Variants in NYAP1 observed in about 807,000 individuals in gnomAD.
NYAP1 encodes the protein neuronal tyrosine-phosphorylated phosphoinositide-3-kinase adapter 1.
In NYAP1, 20 loss-of-function variants were observed where a neutral mutation model predicts 58.6. The observed-to-expected ratio is 0.34, with a 90% CI of 0.24 to 0.50. NYAP1 has a LOEUF of 0.50. Ranked by LOEUF, NYAP1 falls within the 20% of genes least tolerant of loss-of-function variation. NYAP1 has a pLI of 0.98. For missense variants in NYAP1, 1,150 were observed against 1,194.5 expected (o/e 0.96, Z 0.55); for synonymous variants, 572 against 523.1 (o/e 1.09, Z -1.27).
In NYAP1 at chr7:100,492,935, A is replaced by G. The variant is rs761777705; in HGVS notation, c.2269-711A>G. The stretch of plus-strand genomic sequence containing the variant: ...AGAGAGAGAGTGAGAGAAAGAAGGA[A>G]GAAAGAGAGAAGGAGAGAAAGAGAG... On this transcript the variant is annotated intron_variant, in intron 6 of 6. Transcript: ENST00000300179. Among the ~76,000 whole-genome samples the G allele has an allele frequency of 9.6e-4, 146 of 152,036 alleles. 2 individuals are homozygous for G. The highest frequency in any genetic ancestry group is 4.4e-4 in the Non-Finnish European group (30 of 68,000).
In NYAP1 at chr7:100,485,979, C is replaced by T. The variant is rs73161778; in HGVS notation, c.68+600C>T. Among the ~76,000 whole-genome samples the T allele has an allele frequency of 2.8e-3, 433 of 152,308 alleles. No individual in the cohort carries two copies. The highest frequency in any genetic ancestry group is 2.3e-3 in the Non-Finnish European group (156 of 68,020). On this transcript the variant is annotated intron_variant, in intron 2 of 6. Coordinates refer to ENST00000300179, the MANE Select transcript of NYAP1 (RefSeq NM_173564.4). The surrounding 1 kb of genome is among the most constrained non-coding windows in gnomAD (Gnocchi z 5.7). The stretch of plus-strand genomic sequence containing the variant: ...TGGCCTCTCCCATCCTTCTCTCCTT[C>T]TCCTCTTCTCTCCCATTGACTTCAC...
Position 100,490,894 on chromosome 7 carries a change from G to A in NYAP1, c.2159-92G>A. On this transcript the variant is annotated intron_variant, in intron 5 of 6. Coordinates refer to ENST00000300179, the MANE Select transcript of NYAP1 (RefSeq NM_173564.4). This position sits in a 1 kb window ranked among gnomAD's most constrained non-coding sequence, Gnocchi z 4.6. ...CTTTTTCCCTTCTGATGAGGCAGGGGCAGCCTGGACCATTCAAGGGCAGGG... is the reference window on the plus strand; with the variant it reads ...CTTTTTCCCTTCTGATGAGGCAGGGACAGCCTGGACCATTCAAGGGCAGGG... 2 of 1,081,164 alleles carry A rather than the reference G, an allele frequency of 1.8e-6. No homozygotes were observed. The highest frequency in any genetic ancestry group is 2.7e-6 in the Non-Finnish European group (2 of 753,212). The allele number at this position is 1,081,164 out of a possible 1,614,324, so 67.0% of individuals were successfully genotyped here.
chr7:100,487,172 C>A lies in NYAP1; in HGVS notation c.420C>A (p.Ser140Arg). ...GGTCTGGGGCAGAGACGCCCCCCAG[C>A]AAGAAAGCAGGTGAGATACCCCCTA... ...GPGSGAETPP[S>R]KKAGSQKPTP... The change falls in exon 3 of 7, where the codon AGC becomes AGA. Residue 140 changes from serine to arginine, a missense_variant. Transcript: ENST00000300179. This position sits in a 1 kb window ranked among gnomAD's most constrained non-coding sequence, Gnocchi z 4.1. 13 of 1,488,874 alleles carry A rather than the reference C, an allele frequency of 8.7e-6. No individual in the cohort carries two copies. Among genetic ancestry groups the A allele is most frequent in the Non-Finnish European group, 1.2e-5 (13 of 1,120,802 alleles). 92.2% of individuals were successfully genotyped at this position (1,488,874 alleles called of 1,614,324 possible).
chr7:100,489,928 C>T (rs1351043219), intron 4 of NYAP1, among the ~76,000 whole-genome samples: 1 of 152,062 alleles, frequency 6.6e-6, no homozygotes, highest in East Asian at 1.9e-4. Flanking sequence ...CCTGCCCCTC[C>T]CTTCCCGGGG....
chr7:100,489,199 C>G lies in NYAP1; in HGVS notation c.1478C>G (p.Ser493Trp), dbSNP rs1236639830. The change falls in exon 4 of 7, where the codon TCG becomes TGG. Residue 493 changes from serine to tryptophan, a missense_variant. Physicochemically the swap from Ser to Trp is radical, Grantham distance 177 (BLOSUM62 -3). Coordinates refer to ENST00000300179, the MANE Select transcript of NYAP1 (RefSeq NM_173564.4). ...AGEPKTEKEI[S>W]VLHGMLCTSS... ...GAGCCAAAGACGGAGAAGGAGATCT[C>G]GGTCCTCCATGGGATGCTGTGTACC... 1 of 1,610,406 alleles carries G rather than the reference C, an allele frequency of 6.2e-7. No homozygotes were observed. Among genetic ancestry groups the G allele is most frequent in the Admixed American group, 1.7e-5 (1 of 59,612 alleles).
Position 100,487,607 on chromosome 7 carries a change from T to A in NYAP1, c.430+425T>A, listed in dbSNP as rs528780729. 3.9e-5 allele frequency among the ~76,000 whole-genome samples: 6 copies of A among 152,250 alleles called. No homozygotes were observed. The highest frequency in any genetic ancestry group is 1.2e-4 in the African/African-American group (5 of 41,574). On this transcript the variant is annotated intron_variant, in intron 3 of 6. Transcript: ENST00000300179. The surrounding 1 kb of genome is among the most constrained non-coding windows in gnomAD (Gnocchi z 4.1). ...TCCTCCGCCTCCCAGGTTCAAGCAGTTCTCCTGCCTCAGCCTCCCAGGTAG... is the reference window on the plus strand; with the variant it reads ...TCCTCCGCCTCCCAGGTTCAAGCAGATCTCCTGCCTCAGCCTCCCAGGTAG...
At position 100,488,528 on chromosome 7, in the gene NYAP1, G is replaced by T; in HGVS notation, c.807G>T (p.Pro269=). 1 of 1,612,360 alleles carries T rather than the reference G, an allele frequency of 6.2e-7. No individual in the cohort carries two copies. Residue 269 remains proline, a synonymous_variant, in exon 4 of 7, where the codon CCG becomes CCT. Transcript: ENST00000300179. This position sits in a 1 kb window ranked among gnomAD's most constrained non-coding sequence, Gnocchi z 5.9. The stretch of plus-strand genomic sequence containing the variant: ...ATGAAGAGATGAAGTACCCGCTGCC[G>T]GAAGAGGCTGGGGAAGGCCGGGCCA... ...AIYEEMKYPL[P]EEAGEGRANG...
intron 1 of NYAP1, among the ~76,000 whole-genome samples, chr7:100,484,329 A>G (rs10267127): frequency 6.2e-4 from 94 of 152,208 alleles, no homozygotes; most frequent in African/African-American, 2.1e-3. Flanking sequence ...CAGTGGGGCC[A>G]GACTGGAGCC....
intron 1 of NYAP1, 122 bp downstream of exon 1, chr7:100,484,123 G>A (rs1420841613): frequency 6.5e-6 from 1 of 153,600 alleles, no homozygotes; most frequent in African/African-American, 2.4e-5. Flanking sequence ...AAGGGGAAGG[G>A]GAGGGGTGCC....
chr7:100,486,861 G>T lies in NYAP1; in HGVS notation c.109G>T (p.Ala37Ser), dbSNP rs1424006521. ...GGCCCCCGCTGGCTCGGCTGGGCCC[G>T]CGGCCGGCCAGGGGCCTGGGGTCCG... ...EVAPAGSAGP[A>S]AGQGPGVRVR... The change falls in exon 3 of 7, where the codon GCG becomes TCG. Residue 37 changes from alanine to serine, a missense_variant. Ala to Ser is a moderately conservative substitution (Grantham distance 99). Coordinates refer to ENST00000300179, the MANE Select transcript of NYAP1 (RefSeq NM_173564.4). The surrounding 1 kb of genome is among the most constrained non-coding windows in gnomAD (Gnocchi z 6.2). 1.3e-6 allele frequency: 2 copies of T among 1,534,416 alleles called. No individual in the cohort carries two copies. The highest frequency in any genetic ancestry group is 1.7e-6 in the Non-Finnish European group (2 of 1,145,498).
Position 100,487,245 on chromosome 7 carries a change from C to T in NYAP1, c.430+63C>T, listed in dbSNP as rs565165745. 70 of 1,433,170 alleles carry T rather than the reference C, an allele frequency of 4.9e-5. No homozygotes were observed. Among genetic ancestry groups the T allele is most frequent in the South Asian group, 2.2e-4 (14 of 62,328 alleles). 88.8% of individuals were successfully genotyped at this position (1,433,170 alleles called of 1,614,324 possible). A position where few individuals can be genotyped will look rare whatever the true frequency, so the allele number is the denominator to read the frequency against. ...GAGCTGGGAGGATCTATTCCACGCC[C>T]GGGGAGGCTTGCCGGGAGGGTTCAT... On this transcript the variant is annotated intron_variant, in intron 3 of 6. Transcript: ENST00000300179. This position sits in a 1 kb window ranked among gnomAD's most constrained non-coding sequence, Gnocchi z 4.1.
At chr7:100,491,561 C>T (rs1047243389) in intron 6 of NYAP1, among the ~76,000 whole-genome samples, 3 of 150,676 alleles carry the variant, frequency 2.0e-5, no homozygotes, top group Non-Finnish European at 4.4e-5. Flanking sequence ...CACGCTACTG[C>T]GTTCCAGTCT....
At position 100,489,359 on chromosome 7, in the gene NYAP1, C is replaced by T. The variant is rs1799759326; in HGVS notation, c.1638C>T (p.Thr546=). 4 of 1,612,044 alleles carry T rather than the reference C, an allele frequency of 2.5e-6. No individual in the cohort carries two copies. ...CGGACCCAACTGTAGGCCCCCTGAC[C>T]CCGCTGTGGACCTACCCAGCCACAG... ...SLPDPTVGPL[T]PLWTYPATAA... The change falls in exon 4 of 7, where the codon ACC becomes ACT. Residue 546 remains threonine (T), a synonymous_variant. Transcript: ENST00000300179.
rs747049966 is a variant in NYAP1, at chr7:100,486,866, C to T, written c.114C>T (p.Ala38=). Residue 38 remains alanine (A), a synonymous_variant, in exon 3 of 7, where the codon GCC becomes GCT. Transcript: ENST00000300179. This position sits in a 1 kb window ranked among gnomAD's most constrained non-coding sequence, Gnocchi z 6.2. ...CCGCTGGCTCGGCTGGGCCCGCGGC[C>T]GGCCAGGGGCCTGGGGTCCGCGTGC... ...VAPAGSAGPA[A]GQGPGVRVRD... 1.9e-5 allele frequency: 29 copies of T among 1,539,350 alleles called. No homozygotes were observed. The highest frequency in any genetic ancestry group is 1.5e-4 in the East Asian group (6 of 41,124).
chr7:100,494,181 C>T lies in NYAP1; in HGVS notation c.*278C>T. Reference sequence around the variant, plus strand: ...TTCTTCCCGCTGGGCGTTGTACACCCCTCCTCCTGAACCAAGCCAGAGGTC... The same window carrying T: ...TTCTTCCCGCTGGGCGTTGTACACCTCTCCTCCTGAACCAAGCCAGAGGTC... On this transcript the variant is annotated 3_prime_UTR_variant, in exon 7 of 7. Transcript: ENST00000300179. 1 of 402,276 alleles carries T rather than the reference C, an allele frequency of 2.5e-6. No individual in the cohort carries two copies. The highest frequency in any genetic ancestry group is 5.6e-5 in the South Asian group (1 of 17,872). 24.9% of individuals were successfully genotyped at this position (402,276 alleles called of 1,614,324 possible). A position where few individuals can be genotyped will look rare whatever the true frequency, so the allele number is the denominator to read the frequency against.
At chr7:100,493,585 C>A in intron 6 of NYAP1, 61 bp from the exon 7 acceptor site, 1 of 1,414,704 alleles carries the variant, frequency 7.1e-7, no homozygotes, top group Non-Finnish European at 9.4e-7. Flanking sequence ...CGGACCCGTC[C>A]GGTCATGCTG....
rs1345329547 is a variant in NYAP1 at position 100,489,035 on chromosome 7, G to T, written c.1314G>T (p.Ala438=). ...TGATCTGCCCTAAGGCGGCGGGGGC[G>T]CCGGCAGCCCCCCCTGCCCCGGCCG... ...HSMICPKAAG[A]PAAPPAPAAL... is the part of the protein sequence containing the mutation. The change falls in exon 4 of 7, where the codon GCG becomes GCT. Residue 438 remains alanine (A), a synonymous_variant. Transcript: ENST00000300179. 1 of 1,545,694 alleles carries T rather than the reference G, an allele frequency of 6.5e-7. No individual in the cohort carries two copies. Among genetic ancestry groups the T allele is most frequent in the South Asian group, 1.2e-5 (1 of 85,144 alleles).
chr7:100,488,098 CT>C lies in NYAP1; in HGVS notation c.431-52del. The C allele has an allele frequency of 7.2e-7, 1 of 1,387,736 alleles. No individual in the cohort carries two copies. The highest frequency in any genetic ancestry group is 9.8e-7 in the Non-Finnish European group (1 of 1,016,530). The allele number at this position is 1,387,736 out of a possible 1,614,324, so 86.0% of individuals were successfully genotyped here. On this transcript the variant is annotated intron_variant, in intron 3 of 6. Coordinates refer to ENST00000300179, the MANE Select transcript of NYAP1 (RefSeq NM_173564.4). The surrounding 1 kb of genome is among the most constrained non-coding windows in gnomAD (Gnocchi z 5.9). ...AAGGGATCAGAATGGGCTCCTCCCACTTGCTCCCCTCATTAAAAGCCTGGTT... is the reference window on the plus strand; with the variant it reads ...AAGGGATCAGAATGGGCTCCTCCCACTGCTCCCCTCATTAAAAGCCTGGTT...
chr7:100,485,461 C>A lies in NYAP1; in HGVS notation c.68+82C>A. 6.4e-6 allele frequency: 7 copies of A among 1,099,582 alleles called. No homozygotes were observed. Among genetic ancestry groups the A allele is most frequent in the Non-Finnish European group, 9.4e-6 (7 of 745,986 alleles). 68.1% of individuals were successfully genotyped at this position (1,099,582 alleles called of 1,614,324 possible). On this transcript the variant is annotated intron_variant, in intron 2 of 6. Coordinates refer to ENST00000300179, the MANE Select transcript of NYAP1 (RefSeq NM_173564.4). The surrounding 1 kb of genome is among the most constrained non-coding windows in gnomAD (Gnocchi z 5.7). ...CTGGGCCACAGCCCTTCTCGGGGGC[C>A]GGCAGCCTTGTCATGAGTGAGCTCT...
Sources: allele counts gnomAD v4.1 joint callset (sites outside exome capture counted in the v4.1 genomes callset), GRCh38; gene constraint gnomAD v4.1.1; non-coding constraint Gnocchi (gnomAD v3.1); transcripts MANE v1.5; gene names NCBI Gene and HGNC (gene_info 2026-07-23, HGNC 2026-07-21).